Variants in KCNH5 observed in about 807,000 individuals in gnomAD.
KCNH5 encodes potassium voltage-gated channel subfamily H member 5, also known as voltage-gated delayed rectifier potassium channel KCNH5.
KCNH5 carries 46 observed loss-of-function variants against 96.1 expected under a neutral mutation model. That is an observed-to-expected ratio of 0.48 (90% CI 0.38 to 0.61). The LOEUF is 0.61. KCNH5 is among the 20% of genes least tolerant of loss of function. The pLI is 0.00. For missense variants in KCNH5, 907 were observed against 1,225.8 expected (o/e 0.74, Z 3.88); for synonymous variants, 439 against 449.8 (o/e 0.98, Z 0.30).
At chr14:62,862,042 G>T (rs1358720885) in intron 7 of KCNH5, among the ~76,000 whole-genome samples, 1 of 151,990 alleles carries the variant, frequency 6.6e-6, no homozygotes, top group African/African-American at 2.4e-5. Context: ...AATGACCCAG[G>T]AATCTTTGCT....
rs759932998 is a variant in KCNH5, at chr14:62,980,875, A to G, written c.939T>C (p.Asp313=). The G allele has an allele frequency of 1.7e-5, 27 of 1,612,992 alleles. No homozygotes were observed. The highest frequency in any genetic ancestry group is 2.1e-5 in the Non-Finnish European group (25 of 1,179,786). ...AAAACCAAAACGAAAAACTTACCTC[A>G]TCCACATTTTCAAAGGCATTGATGA... The part of the protein sequence containing the change: ...YDIINAFENV[D]EGISSLFSSL... The change falls in exon 6 of 11, where the codon GAT becomes GAC. Residue 313 remains aspartate, a synonymous_variant. Transcript: ENST00000322893.
At chr14:62,906,248 A>C (rs1394136559) in intron 7 of KCNH5, among the ~76,000 whole-genome samples, 1 of 152,202 alleles carries the variant, frequency 6.6e-6, no homozygotes, top group Non-Finnish European at 1.5e-5. Flanking sequence ...CTAAAGGGGA[A>C]TATCACGTAA....
chr14:62,743,029 C>T (rs1299950154), intron 10 of KCNH5, among the ~76,000 whole-genome samples: 2 of 152,256 alleles, frequency 1.3e-5, no homozygotes, highest in Admixed American at 1.3e-4. Context: ...TCTCTATTCC[C>T]CATGGAGAAG....
intron 10 of KCNH5, among the ~76,000 whole-genome samples, chr14:62,761,023 C>T (rs931229627): frequency 6.6e-6 from 1 of 152,094 alleles, no homozygotes; most frequent in African/African-American, 2.4e-5. Flanking sequence ...CCATAAACAC[C>T]TTGAAATCCC....
rs534838379 is a variant in KCNH5, at chr14:63,028,699, T to G, written c.74-11745A>C. 2.0e-5 allele frequency among the ~76,000 whole-genome samples: 3 copies of G among 152,264 alleles called. No individual in the cohort carries two copies. In the South Asian group the frequency reaches 6.2e-4, roughly 32 times the overall value. On this transcript the variant is annotated intron_variant, in intron 1 of 10. Coordinates refer to ENST00000322893, the MANE Select transcript of KCNH5 (RefSeq NM_139318.5). Reference sequence around the variant, plus strand: ...CACTGCAGGGAGAACTAACTCTTCCTGTTAGACTGGAAGCAGAGTTGTTTA... The same window carrying G: ...CACTGCAGGGAGAACTAACTCTTCCGGTTAGACTGGAAGCAGAGTTGTTTA...
rs1891618237 is a variant in KCNH5 at position 63,031,138 on chromosome 14, G to A, written c.73+13976C>T. Among the ~76,000 whole-genome samples, 4 of 152,042 alleles carry A rather than the reference G, an allele frequency of 2.6e-5. No homozygotes were observed. The South Asian group carries it at 8.3e-4, about 32-fold the overall frequency. ...AAGAGTATCTAGTAGGGGGAAAAGA[G>A]TATCTAGTAGGGGAAAAAGACAGGA... On this transcript the variant is annotated intron_variant, in intron 1 of 10. Coordinates refer to ENST00000322893, the MANE Select transcript of KCNH5 (RefSeq NM_139318.5).
At chr14:62,850,230 G>A (rs1887778157) in intron 7 of KCNH5, among the ~76,000 whole-genome samples, 1 of 152,160 alleles carries the variant, frequency 6.6e-6, no homozygotes, top group Admixed American at 6.6e-5. Context: ...CCTGAATGAA[G>A]CCTAATCAAT....
intron 7 of KCNH5, among the ~76,000 whole-genome samples, chr14:62,868,034 T>A (rs749182863): frequency 6.6e-6 from 1 of 152,258 alleles, no homozygotes; most frequent in South Asian, 2.1e-4. Context: ...CTCCTTGAGA[T>A]CCGGCTGTTC....
intron 7 of KCNH5, among the ~76,000 whole-genome samples, chr14:62,864,220 T>C (rs1888090719): frequency 6.6e-6 from 1 of 152,198 alleles, no homozygotes; most frequent in Admixed American, 6.5e-5. Flanking sequence ...TATTAATTGA[T>C]TATTTTACAA....
intron 8 of KCNH5, among the ~76,000 whole-genome samples, chr14:62,839,246 GCT>G (rs1349374627): frequency 6.6e-6 from 1 of 151,938 alleles, no homozygotes; most frequent in Non-Finnish European, 1.5e-5. Flanking sequence ...TCTTTTTCTA[GCT>G]CTTTTTTCTA....
chr14:62,799,568 C>G (rs373770586), intron 9 of KCNH5, among the ~76,000 whole-genome samples: 26 of 91,990 alleles, frequency 2.8e-4, no homozygotes, highest in Non-Finnish European at 4.8e-4. Flanking sequence ...AGTGAAACTC[C>G]GTCTCAAAAA....
chr14:62,761,015 A>G (rs1327465050), intron 10 of KCNH5, among the ~76,000 whole-genome samples: 2 of 152,214 alleles, frequency 1.3e-5, no homozygotes, highest in Non-Finnish European at 2.9e-5. Context: ...TGAATTCACC[A>G]TAAACACCTT....
intron 6 of KCNH5, among the ~76,000 whole-genome samples, chr14:62,979,522 CAT>C (rs1321322454): frequency 3.3e-5 from 5 of 151,806 alleles, no homozygotes; most frequent in Non-Finnish European, 5.9e-5. Flanking sequence ...TCCCAACACA[CAT>C]AGAGAAATAA....
chr14:62,870,524 A>G (rs944912567), intron 7 of KCNH5, among the ~76,000 whole-genome samples: 1 of 152,174 alleles, frequency 6.6e-6, no homozygotes, highest in Non-Finnish European at 1.5e-5. Context: ...ACACATAAAA[A>G]TAGGTAATAA....
At chr14:63,002,753 T>C (rs748496831) in intron 3 of KCNH5, among the ~76,000 whole-genome samples, 10 of 152,200 alleles carry the variant, frequency 6.6e-5, no homozygotes, top group Non-Finnish European at 1.3e-4. Context: ...GAGATTTCTA[T>C]GGGACTATTC....
At chr14:62,885,795 CAG>C (rs1269482945) in intron 7 of KCNH5, among the ~76,000 whole-genome samples, 3 of 152,050 alleles carry the variant, frequency 2.0e-5, no homozygotes, top group African/African-American at 7.2e-5. Context: ...TTTTGTGTTT[CAG>C]AGTCATTATT....
At position 62,950,281 on chromosome 14, in the gene KCNH5, C is replaced by T. The variant is rs1456120638; in HGVS notation, c.1221G>A (p.Gly407=). 4 of 1,614,004 alleles carry T rather than the reference C, an allele frequency of 2.5e-6. No homozygotes were observed. Among genetic ancestry groups the T allele is most frequent in the Non-Finnish European group, 3.4e-6 (4 of 1,179,956 alleles). The change falls in exon 7 of 11, where the codon GGG becomes GGA. Residue 407 remains glycine, a synonymous_variant. Coordinates refer to ENST00000322893, the MANE Select transcript of KCNH5 (RefSeq NM_139318.5). ...CCTTGCTGGGTCCTCCTTCCCATATCCCAGCACTGGTATTGTAGCGATATG... is the reference window on the plus strand; with the variant it reads ...CCTTGCTGGGTCCTCCTTCCCATATTCCAGCACTGGTATTGTAGCGATATG... ...GTPYRYNTSA[G]IWEGGPSKDS...
chr14:62,779,551 G>GT (rs938022218), intron 10 of KCNH5, among the ~76,000 whole-genome samples, 177 bp downstream of exon 10: 2 of 151,966 alleles, frequency 1.3e-5, no homozygotes, highest in African/African-American at 2.4e-5. Flanking sequence ...TAGAAATAGG[G>GT]TTTTTTTCCT....
intron 6 of KCNH5, among the ~76,000 whole-genome samples, chr14:62,964,383 C>G (rs1178634977): frequency 2.0e-5 from 3 of 152,084 alleles, no homozygotes; most frequent in Admixed American, 2.0e-4. Context: ...CCAACATGTT[C>G]ACCTCCTCAT....
Sources: gnomAD v4.1 joint callset for allele counts (sites outside exome capture counted in the v4.1 genomes callset) on GRCh38, gnomAD v4.1.1 for gene constraint, MANE v1.5 for transcripts, NCBI Gene and HGNC (gene_info 2026-07-23, HGNC 2026-07-21) for gene names.